Variants in PRUNE2 observed in about 807,000 individuals in gnomAD.
PRUNE2 encodes the protein prune homolog 2 with BCH domain.
PRUNE2 carries 164 observed loss-of-function variants against 252.0 expected under a neutral mutation model. The ratio of observed to expected loss-of-function variants is 0.65; its 90% CI spans 0.57 to 0.74. The LOEUF (loss-of-function observed/expected upper bound fraction) is 0.74, where lower values mean the gene tolerates loss of function less well. Among genes scored for constraint, PRUNE2 ranks in the 30% least tolerant of loss-of-function variants. PRUNE2 has a pLI of 0.00. For missense variants in PRUNE2, 3,495 were observed against 3,711.0 expected (o/e 0.94, Z 1.51); for synonymous variants, 1,292 against 1,350.2 (o/e 0.96, Z 0.94).
intron 11 of PRUNE2, among the ~76,000 whole-genome samples, chr9:76,648,849 G>A (rs1161886302): frequency 6.6e-6 from 1 of 152,216 alleles, no homozygotes; most frequent in Non-Finnish European, 1.5e-5. Flanking sequence ...CCCCTACTGG[G>A]AGCACATCTG....
At chr9:76,778,275 C>T (rs1265423463) in intron 6 of PRUNE2, 1 of 152,214 alleles carries the variant, frequency 6.6e-6, no homozygotes, top group African/African-American at 2.4e-5. Context: ...CTTCTAGAGA[C>T]AGCCAGCATT....
chr9:76,786,663 T>G (rs567753006), intron 6 of PRUNE2: 12 of 152,350 alleles, frequency 7.9e-5, no homozygotes, highest in African/African-American at 2.9e-4. Context: ...TTTTCTTCCA[T>G]CCCCACCACT....
chr9:76,813,453 A>G (rs2057487126), intron 6 of PRUNE2, among the ~76,000 whole-genome samples: 1 of 152,228 alleles, frequency 6.6e-6, no homozygotes, highest in Admixed American at 6.5e-5. Context: ...GATAAAACAT[A>G]AAAGTGTGTT....
intron 6 of PRUNE2, among the ~76,000 whole-genome samples, chr9:76,815,605 A>T (rs1301939135): frequency 1.3e-5 from 2 of 152,220 alleles, no homozygotes; most frequent in East Asian, 1.9e-4. Flanking sequence ...TTAAATTTCA[A>T]CATATACATT....
At chr9:76,826,379 A>C (rs2058346225) in intron 5 of PRUNE2, among the ~76,000 whole-genome samples, 1 of 152,200 alleles carries the variant, frequency 6.6e-6, no homozygotes, top group African/African-American at 2.4e-5. Context: ...GGAGACAGGC[A>C]TGAGAATCAC....
At chr9:76,794,880 T>C (rs2055935301) in intron 6 of PRUNE2, among the ~76,000 whole-genome samples, 1 of 152,162 alleles carries the variant, frequency 6.6e-6, no homozygotes, top group African/African-American at 2.4e-5. Flanking sequence ...GTCCAGAACA[T>C]ACTCAGAATT....
At chr9:76,648,160 C>T (rs765116865) in intron 11 of PRUNE2, among the ~76,000 whole-genome samples, 24 of 152,146 alleles carry the variant, frequency 1.6e-4, no homozygotes, top group Non-Finnish European at 3.4e-4. Context: ...AAATCCAAAA[C>T]CCTGACACCA....
chr9:76,905,069 T>C (rs902296460), intron 1 of PRUNE2, among the ~76,000 whole-genome samples: 1 of 152,204 alleles, frequency 6.6e-6, no homozygotes, highest in East Asian at 1.9e-4. Context: ...TTTAAAGATA[T>C]TGCTTCTAAA....
At position 76,611,410 on chromosome 9, in the gene PRUNE2, G is replaced by A. The variant is rs533339954; in HGVS notation, c.*3160C>T. ...AATTTTTATTTCTGAATTATACAGTGAGGCTATATAGATATATTGTGTCAT... is the reference window on the plus strand; with the variant it reads ...AATTTTTATTTCTGAATTATACAGTAAGGCTATATAGATATATTGTGTCAT... On this transcript the variant is annotated 3_prime_UTR_variant, in exon 19 of 19. Coordinates refer to ENST00000376718, the MANE Select transcript of PRUNE2 (RefSeq NM_015225.3). The A allele has an allele frequency of 2.6e-5, 4 of 152,270 alleles. No homozygotes were observed. Among genetic ancestry groups the A allele is most frequent in the African/African-American group, 9.6e-5 (4 of 41,558 alleles). 9.4% of individuals were successfully genotyped at this position (152,270 alleles called of 1,614,324 possible). A position where few individuals can be genotyped will look rare whatever the true frequency, so the allele number is the denominator to read the frequency against.
intron 1 of PRUNE2, among the ~76,000 whole-genome samples, chr9:76,892,021 T>C (rs1247344312): frequency 6.6e-6 from 1 of 151,280 alleles, no homozygotes; most frequent in African/African-American, 2.4e-5. Flanking sequence ...TCAATCTTTT[T>C]GAAATAATTG....
chr9:76,710,017 T>G lies in PRUNE2; in HGVS notation c.2257A>C (p.Thr753Pro). Residue 753 changes from threonine to proline, a missense_variant, in exon 8 of 19, where the codon ACA (threonine) becomes CCA (proline). Transcript: ENST00000376718. ...AGGTGGTTTGTTCCTTGGGGAGATG[T>G]ATTTGGCAAAGGTGACTTCTCCATG... Reference protein sequence around the residue: ...LPMEKSPLPNTSPQGTNHLIE... With the variant: ...LPMEKSPLPNPSPQGTNHLIE... 1 of 1,613,794 alleles carries G rather than the reference T, an allele frequency of 6.2e-7. No homozygotes were observed. The highest frequency in any genetic ancestry group is 8.5e-7 in the Non-Finnish European group (1 of 1,179,822).
chr9:76,875,224 T>C (rs1460773509), intron 1 of PRUNE2, among the ~76,000 whole-genome samples: 2 of 151,014 alleles, frequency 1.3e-5, no homozygotes, highest in African/African-American at 2.4e-5. Flanking sequence ...CACTTTTTTC[T>C]GTGAAATCTA....
intron 6 of PRUNE2, among the ~76,000 whole-genome samples, chr9:76,773,150 A>C (rs7022141): frequency 6.6e-6 from 1 of 152,026 alleles, no homozygotes; most frequent in African/African-American, 2.4e-5. Context: ...CCCAAGTTAA[A>C]TTTACTTCAC....
chr9:76,877,650 T>G (rs7045143), intron 1 of PRUNE2, among the ~76,000 whole-genome samples: 2,741 of 152,328 alleles, frequency 0.018, 90 homozygotes, highest in African/African-American at 0.062. Context: ...CTCTTGAGGT[T>G]TGTTTGATTA....
intron 9 of PRUNE2, among the ~76,000 whole-genome samples, chr9:76,681,360 C>T (rs990861826): frequency 2.0e-5 from 3 of 150,044 alleles, no homozygotes; most frequent in South Asian, 4.2e-4. Context: ...GATCTAGGCA[C>T]GGCAATGTGA....
intron 6 of PRUNE2, among the ~76,000 whole-genome samples, chr9:76,749,926 T>A (rs957869800): frequency 1.3e-5 from 2 of 152,192 alleles, no homozygotes; most frequent in African/African-American, 4.8e-5. Flanking sequence ...CTGACCCTGG[T>A]TCCTGACACA....
intron 6 of PRUNE2, among the ~76,000 whole-genome samples, chr9:76,766,300 C>T (rs1189155317): frequency 1.3e-5 from 2 of 152,002 alleles, no homozygotes; most frequent in Non-Finnish European, 2.9e-5. Flanking sequence ...CATATGTTCA[C>T]TCCCCAGGCA....
intron 12 of PRUNE2, among the ~76,000 whole-genome samples, chr9:76,643,421 T>A (rs1307297306): frequency 6.6e-6 from 1 of 152,190 alleles, no homozygotes; most frequent in Non-Finnish European, 1.5e-5. Context: ...AAATATCTGA[T>A]GGGTGGTGCA....
At chr9:76,901,139 G>T (rs921954121) in intron 1 of PRUNE2, among the ~76,000 whole-genome samples, 10 of 152,184 alleles carry the variant, frequency 6.6e-5, no homozygotes, top group Admixed American at 3.9e-4. Context: ...AAAAAGTATG[G>T]CTCTTCTCCA....
Sources: gnomAD v4.1 joint callset for allele counts (sites outside exome capture counted in the v4.1 genomes callset) on GRCh38, gnomAD v4.1.1 for gene constraint, MANE v1.5 for transcripts, NCBI Gene and HGNC (gene_info 2026-07-23, HGNC 2026-07-21) for gene names.